The following CPT1C variants were observed in gnomAD, a reference collection of about 807,000 sequenced individuals.
CPT1C encodes carnitine palmitoyltransferase 1C.
Under a neutral mutation model 97.3 loss-of-function variants are expected in CPT1C, and 61 were observed. The ratio of observed to expected loss-of-function variants is 0.63; its 90% CI spans 0.51 to 0.78. CPT1C has a LOEUF of 0.78. Among genes scored for constraint, CPT1C ranks in the 30% least tolerant of loss-of-function variants. The pLI, the probability that CPT1C is intolerant of heterozygous loss-of-function variation, is 0.00. For synonymous variants in CPT1C, 469 were observed against 447.2 expected, an observed-to-expected ratio of 1.05 and a Z score of -0.61; for missense variants, 975 against 1,065.5, an observed-to-expected ratio of 0.92 and a Z score of 1.18.
Position 49,707,526 on chromosome 19 carries a change from A to G in CPT1C, c.1352A>G (p.Asp451Gly). Residue 451 changes from aspartate (D) to glycine (G), a missense_variant, in exon 13 of 20, where the codon GAC becomes GGC. Transcript: ENST00000598293. ...TGAACTCTCCCTGACAGCTGGTTTG[A>G]CAAATCCTTCACCCTAATCGTCTTC... ...LAGRGHDRWF[D>G]KSFTLIVFSN... The G allele has an allele frequency of 6.2e-7, 1 of 1,613,592 alleles. No individual in the cohort carries two copies. The highest frequency in any genetic ancestry group is 2.2e-5 in the East Asian group (1 of 44,834).
intron 4 of CPT1C, 86 bp downstream of exon 4, chr19:49,697,551 A>G (rs2082737096): frequency 8.9e-6 from 13 of 1,454,194 alleles, no homozygotes; most frequent in Non-Finnish European, 1.2e-5. Context: ...TGTACCTGCT[A>G]AAGAAAAGTA....
intron 7 of CPT1C, among the ~76,000 whole-genome samples, chr19:49,702,030 AATATATATTTATTTATAAATT>A (rs2083151412): frequency 9.8e-6 from 1 of 101,626 alleles, no homozygotes; most frequent in Non-Finnish European, 1.8e-5. Context: ...ATAAATTATA[AATATATATTTATTTATAAATT>A]ATAAATATAT....
intron 16 of CPT1C, 95 bp downstream of exon 16, chr19:49,710,952 G>A (rs1270632954): frequency 9.6e-6 from 13 of 1,359,000 alleles, no homozygotes; most frequent in African/African-American, 1.4e-5. Flanking sequence ...CAGCCTCCAC[G>A]AGGAGCACAA....
In CPT1C at chr19:49,713,014, G is replaced by T; in HGVS notation, c.2176G>T (p.Asp726Tyr). 1 of 1,614,064 alleles carries T rather than the reference G, an allele frequency of 6.2e-7. No homozygotes were observed. Among genetic ancestry groups the T allele is most frequent in the Non-Finnish European group, 8.5e-7 (1 of 1,179,992 alleles). The change falls in exon 19 of 20, where the codon GAT becomes TAT. Residue 726 changes from aspartate to tyrosine, a missense_variant. Around this residue, in one of 3 missense-constraint regions of CPT1C, gnomAD observed 344 missense variants for 395.7 expected, o/e 0.87. Transcript: ENST00000598293. ...GYGVSYIFMG[D>Y]GMITFHISSK... ...TGGTGTTTCTTATATCTTCATGGGG[G>T]ATGGCATGATCACCTTCCACATCTC...
intron 14 of CPT1C, 103 bp downstream of exon 14, chr19:49,708,942 C>T (rs2083674281): frequency 1.3e-6 from 1 of 746,464 alleles, no homozygotes; most frequent in Non-Finnish European, 2.2e-6. Context: ...CAACCCCATT[C>T]CTACCCCCAA....
Position 49,706,435 on chromosome 19 carries a change from GC to G in CPT1C, c.1343+27del, listed in dbSNP as rs1191762454. 7 of 1,441,592 alleles carry G rather than the reference GC, an allele frequency of 4.9e-6. No individual in the cohort carries two copies. The highest frequency in any genetic ancestry group is 3.3e-5 in the Admixed American group (1 of 30,750). 89.3% of individuals were successfully genotyped at this position (1,441,592 alleles called of 1,614,324 possible). On this transcript the variant is annotated intron_variant, in intron 12 of 19. Transcript: ENST00000598293. This position sits in a 1 kb window ranked among gnomAD's most constrained non-coding sequence, Gnocchi z 4.8. ...ATCGGTGAGTGAGTCTTGGGATGGG[GC>G]CCCCAGATGTGGCACCCGAGAATCC...
At chr19:49,701,176 G>A (rs1291007443) in intron 5 of CPT1C, 141 bp from the exon 6 acceptor site, 2 of 624,786 alleles carry the variant, frequency 3.2e-6, no homozygotes, top group Non-Finnish European at 5.4e-6. Context: ...CTGGGTCTCT[G>A]TTCCTTTCTC....
chr19:49,704,750 G>A lies in CPT1C; in HGVS notation c.734G>A (p.Arg245Gln), dbSNP rs757393571. The change falls in exon 8 of 20, where the codon CGA (arginine) becomes CAA (glutamine). Residue 245 changes from arginine (R) to glutamine (Q), a missense_variant. This residue lies in a region of CPT1C where 596 missense variants were observed against 603.1 expected (regional missense o/e 0.99). Coordinates refer to ENST00000598293, the MANE Select transcript of CPT1C (RefSeq NM_001199753.2). The part of the protein sequence containing the change: ...WWEEFVYLRS[R>Q]NPLMVNSNYY... ...GAGGAATTTGTGTACCTGCGCTCCC[G>A]AAATCCGCTGATGGTGAACAGCAAC... 4 of 1,614,002 alleles carry A rather than the reference G, an allele frequency of 2.5e-6. No homozygotes were observed. The highest frequency in any genetic ancestry group is 2.2e-5 in the East Asian group (1 of 44,878).
At chr19:49,703,839 C>T (rs765687042) in intron 7 of CPT1C, among the ~76,000 whole-genome samples, 5 of 151,852 alleles carry the variant, frequency 3.3e-5, no homozygotes, top group Non-Finnish European at 5.9e-5. Flanking sequence ...TGCTATGTTG[C>T]ACAGACTGGT....
intron 7 of CPT1C, among the ~76,000 whole-genome samples, chr19:49,701,936 T>TTATATATTTATA (rs57693875): frequency 1.3e-5 from 1 of 74,166 alleles, no homozygotes; most frequent in African/African-American, 9.4e-5. Context: ...ATATTAATAT[T>TTATATATTTATA]TATAAATTTA....
At chr19:49,700,263 A>AAAC (rs1568513830) in intron 4 of CPT1C, among the ~76,000 whole-genome samples, 4 of 39,960 alleles carry the variant, frequency 1.0e-4, no homozygotes, top group African/African-American at 5.9e-4. Flanking sequence ...AAAACAAAAC[A>AAAC]AAAAAAAAAA....
rs1027447826 is a variant in CPT1C at position 49,706,379 on chromosome 19, G to A, written c.1309G>A (p.Ala437Thr). 14 of 1,507,404 alleles carry A rather than the reference G, an allele frequency of 9.3e-6. No individual in the cohort carries two copies. The highest frequency in any genetic ancestry group is 1.2e-5 in the Non-Finnish European group (14 of 1,135,030). The allele number at this position is 1,507,404 out of a possible 1,614,324, so 93.4% of individuals were successfully genotyped here. A position where few individuals can be genotyped will look rare whatever the true frequency, so the allele number is the denominator to read the frequency against. Residue 437 changes from alanine to threonine, a missense_variant, in exon 12 of 20, where the codon GCC (alanine) becomes ACC (threonine). By Grantham distance (58) the Ala-to-Thr change is moderately conservative. Coordinates refer to ENST00000598293, the MANE Select transcript of CPT1C (RefSeq NM_001199753.2). The surrounding 1 kb of genome is among the most constrained non-coding windows in gnomAD (Gnocchi z 4.8). The stretch of plus-strand genomic sequence containing the variant: ...CCCGGCAGCGTCGTTGGATGCCTAC[G>A]CCCATGCTCTGCTGGCCGGCCGGGG... ...EDPAASLDAY[A>T]HALLAGRGHD...
intron 7 of CPT1C, among the ~76,000 whole-genome samples, chr19:49,701,971 T>TA (rs2083125923): frequency 9.8e-6 from 1 of 102,064 alleles, no homozygotes; most frequent in African/African-American, 3.8e-5. Flanking sequence ...TATATATAAA[T>TA]TTATAAATAA....
chr19:49,704,901 C>A, intron 8 of CPT1C, 106 bp from the exon 9 acceptor site: 3 of 1,394,830 alleles, frequency 2.2e-6, no homozygotes, highest in South Asian at 1.2e-5. Flanking sequence ...ATCTGGGATT[C>A]ATCATTCCAC....
intron 10 of CPT1C, 126 bp from the exon 11 acceptor site, chr19:49,705,783 T>A (rs2083463182): frequency 1.2e-6 from 1 of 853,302 alleles, no homozygotes; most frequent in Admixed American, 2.4e-5. Flanking sequence ...ATAAAAGTCC[T>A]AGGGTGCTGA....
Position 49,711,811 on chromosome 19 carries a change from C to A in CPT1C, c.1869C>A (p.Asp623Glu). ...VRAMEDKEKT[D>E]PQCLALFRVA... is the part of the protein sequence containing the mutation. Reference sequence around the variant, plus strand: ...TGTGACCTCCCTGGGGACTGCAGGACCCACAGTGCCTCGCCCTGTTCCGCG... The same window carrying A: ...TGTGACCTCCCTGGGGACTGCAGGAACCACAGTGCCTCGCCCTGTTCCGCG... The change falls in exon 17 of 20, where the codon GAC becomes GAA. Residue 623 changes from aspartate (D) to glutamate (E), a missense_variant and splice_region_variant. Around this residue, in one of 3 missense-constraint regions of CPT1C, gnomAD observed 344 missense variants for 395.7 expected, o/e 0.87. Transcript: ENST00000598293. 6.2e-7 allele frequency: 1 copy of A among 1,609,908 alleles called. No individual in the cohort carries two copies. Among genetic ancestry groups the A allele is most frequent in the Non-Finnish European group, 8.5e-7 (1 of 1,178,530 alleles).
At chr19:49,705,189 G>A (rs2083432288) in intron 9 of CPT1C, 25 bp from the exon 10 acceptor site, 1 of 1,613,954 alleles carries the variant, frequency 6.2e-7, no homozygotes, top group Non-Finnish European at 8.5e-7. Flanking sequence ...CTGGAAGGCA[G>A]CTCACAGCCC....
At chr19:49,712,354 A>G in intron 17 of CPT1C, 1 of 301,790 alleles carries the variant, frequency 3.3e-6, no homozygotes. Context: ...AAAAAAAAAA[A>G]AAAAAGGAGG....
In CPT1C at chr19:49,706,284, T is replaced by G; in HGVS notation, c.1214T>G (p.Leu405Arg). The G allele has an allele frequency of 6.5e-7, 1 of 1,538,388 alleles. No individual in the cohort carries two copies. The highest frequency in any genetic ancestry group is 8.7e-7 in the Non-Finnish European group (1 of 1,146,026). Residue 405 changes from leucine to arginine, a missense_variant, in exon 12 of 20, where the codon CTG becomes CGG. Leu to Arg is a moderately radical substitution (Grantham distance 102). Around this residue, in one of 3 missense-constraint regions of CPT1C, gnomAD observed 596 missense variants for 603.1 expected, o/e 0.99. Transcript: ENST00000598293. The surrounding 1 kb of genome is among the most constrained non-coding windows in gnomAD (Gnocchi z 4.8). ...TSLKTQAAEA[L>R]EAVEGAAFFV... The stretch of plus-strand genomic sequence containing the variant: ...CTGAAGACCCAGGCAGCGGAGGCCC[T>G]GGAGGCGGTGGAAGGGGCCGCTTTC...
Sources: allele counts gnomAD v4.1 joint callset (sites outside exome capture counted in the v4.1 genomes callset), GRCh38; gene constraint gnomAD v4.1.1; regional missense constraint gnomAD v4.1.1; non-coding constraint Gnocchi (gnomAD v3.1); transcripts MANE v1.5; gene names NCBI Gene and HGNC (gene_info 2026-07-23, HGNC 2026-07-21).